Variants in SLFN12L observed in about 807,000 individuals in gnomAD.
SLFN12L encodes the protein schlafen family member 12-like.
A neutral mutation model predicts 34.8 loss-of-function variants in SLFN12L; 34 were observed. The ratio of observed to expected loss-of-function variants is 0.98; its 90% confidence interval spans 0.74 to 1.30. The LOEUF is 1.30. Ranked by LOEUF, SLFN12L falls within the 50% of genes most tolerant of loss-of-function variation. The pLI is 0.00. For missense variants in SLFN12L, 703 were observed against 696.2 expected (o/e 1.01, Z -0.11); for synonymous variants, 259 against 247.5 (o/e 1.05, Z -0.44).
intron 2 of SLFN12L, chr17:35,498,133 T>C: frequency 1.6e-6 from 1 of 611,942 alleles, no homozygotes; most frequent in South Asian, 1.9e-5. Context: ...GAGCGAGACC[T>C]GCAGCAGAGA....
At chr17:35,476,546 A>G (rs918660529) in intron 4 of SLFN12L, among the ~76,000 whole-genome samples, 15 of 151,874 alleles carry the variant, frequency 9.9e-5, no homozygotes, top group African/African-American at 3.1e-4. Flanking sequence ...GAAAATATCA[A>G]CTGATCAACT....
Position 35,465,033 on chromosome 17 carries a change from C to T in SLFN12L, c.*9890G>A, listed in dbSNP as rs1239721316. ...CTGGGACTACGGGAGCACACCACCACATCCAGCTAATTTTTGTATTTTTTA... is the reference window on the plus strand; with the variant it reads ...CTGGGACTACGGGAGCACACCACCATATCCAGCTAATTTTTGTATTTTTTA... On this transcript the variant is annotated 3_prime_UTR_variant, in exon 5 of 5. Transcript: ENST00000628453. 1.3e-5 allele frequency among the ~76,000 whole-genome samples: 2 copies of T among 152,182 alleles called. No individual in the cohort carries two copies. Among genetic ancestry groups the T allele is most frequent in the African/African-American group, 4.8e-5 (2 of 41,438 alleles).
intron 2 of SLFN12L, among the ~76,000 whole-genome samples, chr17:35,502,598 G>GA (rs35043538): frequency 5.7e-4 from 79 of 139,320 alleles, no homozygotes; most frequent in Middle Eastern, 3.6e-3. Flanking sequence ...GCAATTGAAG[G>GA]AAAAAAAAAA....
rs923872497 is a variant in SLFN12L at position 35,464,627 on chromosome 17, C to T, written c.*10296G>A. 6.6e-6 allele frequency: 1 copy of T among 151,988 alleles called. No individual in the cohort carries two copies. Among genetic ancestry groups the T allele is most frequent in the African/African-American group, 2.4e-5 (1 of 41,336 alleles). 9.4% of individuals were successfully genotyped at this position (151,988 alleles called of 1,614,324 possible). A position where few individuals can be genotyped will look rare whatever the true frequency, so the allele number is the denominator to read the frequency against. ...TTCTTTTTTATGGCTGTGTAGTAGCCCATGGTGTATATGTACCACATTTTC... is the reference window on the plus strand; with the variant it reads ...TTCTTTTTTATGGCTGTGTAGTAGCTCATGGTGTATATGTACCACATTTTC... On this transcript the variant is annotated 3_prime_UTR_variant, in exon 5 of 5. Transcript: ENST00000628453.
At chr17:35,498,642 A>G in intron 2 of SLFN12L, 7 of 1,609,808 alleles carry the variant, frequency 4.3e-6, no homozygotes, top group Non-Finnish European at 4.2e-6. Flanking sequence ...GCTACAGACC[A>G]CTCAAACCAT....
chr17:35,487,267 CA>C (rs892861968), intron 2 of SLFN12L, among the ~76,000 whole-genome samples: 8 of 152,288 alleles, frequency 5.3e-5, no homozygotes, highest in Non-Finnish European at 7.3e-5. Context: ...AGGCGCTCCC[CA>C]GCCCACGCAC....
rs1348792328 is a variant in SLFN12L at position 35,530,538 on chromosome 17, A to AAAAG, written c.-606+7031_-606+7034dup. Among the ~76,000 whole-genome samples, 7 of 23,264 alleles carry AAAAG rather than the reference A, an allele frequency of 3.0e-4. 1 individual carries two copies. Among genetic ancestry groups the AAAAG allele is most frequent in the East Asian group, 1.5e-3 (1 of 658 alleles). The allele number at this position is 23,264 out of a possible 152,430, so 15.3% of individuals were successfully genotyped here. ...AAAAGAAAAGAAAAGAAAAGAAAAG[A>AAAAG]AAAGAAAGAAAGAAAGAAAGAGAAA... On this transcript the variant is annotated intron_variant, in intron 1 of 4. Coordinates refer to ENST00000628453, the MANE Select transcript of SLFN12L (RefSeq NM_001363830.2).
rs1056470971 is a variant in SLFN12L, at chr17:35,495,002, C to T, written c.87-14807G>A. On this transcript the variant is annotated intron_variant, in intron 2 of 4. Coordinates refer to ENST00000628453, the MANE Select transcript of SLFN12L (RefSeq NM_001363830.2). ...CTCAAGGCAACCTCCACCACCCAGGCTCAGATGATCCTGAGCCACTGGAGT... is the reference window on the plus strand; with the variant it reads ...CTCAAGGCAACCTCCACCACCCAGGTTCAGATGATCCTGAGCCACTGGAGT... Among the ~76,000 whole-genome samples, 12 of 152,064 alleles carry T rather than the reference C, an allele frequency of 7.9e-5. No homozygotes were observed. In the East Asian group the frequency reaches 1.2e-3, roughly 15 times the overall value.
In SLFN12L at chr17:35,475,227, T is replaced by C. The variant is rs889359313; in HGVS notation, c.1535A>G (p.Tyr512Cys). Residue 512 changes from tyrosine to cysteine, a missense_variant, in exon 5 of 5, where the codon TAT (tyrosine) becomes TGT (cysteine). Physicochemically the swap from Tyr to Cys is radical, Grantham distance 194 (BLOSUM62 -2). Coordinates refer to ENST00000628453, the MANE Select transcript of SLFN12L (RefSeq NM_001363830.2). ...TAAAGTTTGGGCAGTTTGTGTAGAATAGTCTTTAAACTCCTCATCCTGTAC... is the reference window on the plus strand; with the variant it reads ...TAAAGTTTGGGCAGTTTGTGTAGAACAGTCTTTAAACTCCTCATCCTGTAC... ...HMVQDEEFKD[Y>C]STQTAQTLKQ... 2.5e-6 allele frequency: 4 copies of C among 1,614,202 alleles called. No individual in the cohort carries two copies. The highest frequency in any genetic ancestry group is 3.4e-6 in the Non-Finnish European group (4 of 1,180,042).
Position 35,528,970 on chromosome 17 carries a change from C to G in SLFN12L, c.-605-6001G>C, listed in dbSNP as rs190341368. On this transcript the variant is annotated intron_variant, in intron 1 of 4. Transcript: ENST00000628453. ...GTGACAAAGGGCTAATATCCAGAAT[C>G]TACAAGGAACTTAAACAAATTCACA... Among the ~76,000 whole-genome samples, 65 of 152,236 alleles carry G rather than the reference C, an allele frequency of 4.3e-4. No homozygotes were observed. In the Middle Eastern group the frequency reaches 0.017, roughly 40 times the overall value.
intron 1 of SLFN12L, among the ~76,000 whole-genome samples, chr17:35,528,164 A>G (rs2072356432): frequency 6.6e-6 from 1 of 152,228 alleles, no homozygotes; most frequent in Non-Finnish European, 1.5e-5. Flanking sequence ...GACCTCTTCA[A>G]GGAGAACTAC....
intron 2 of SLFN12L, among the ~76,000 whole-genome samples, chr17:35,512,209 C>G (rs1284823188): frequency 9.1e-5 from 11 of 120,734 alleles, no homozygotes; most frequent in African/African-American, 3.6e-4. Flanking sequence ...GGCTGGAGTG[C>G]AGTGGCGTGG....
In SLFN12L at chr17:35,474,802, G is replaced by A. The variant is rs935943141; in HGVS notation, c.*121C>T. 3.1e-6 allele frequency: 3 copies of A among 980,994 alleles called. No individual in the cohort carries two copies. Among genetic ancestry groups the A allele is most frequent in the African/African-American group, 3.3e-5 (2 of 60,102 alleles). The allele number at this position is 980,994 out of a possible 1,614,324, so 60.8% of individuals were successfully genotyped here. A position where few individuals can be genotyped will look rare whatever the true frequency, so the allele number is the denominator to read the frequency against. Reference sequence around the variant, plus strand: ...AAAAAATTAGCCAGGTGTGGTGGCAGGCACATGTAATCCCAGCTACTCGGG... The same window carrying A: ...AAAAAATTAGCCAGGTGTGGTGGCAAGCACATGTAATCCCAGCTACTCGGG... On this transcript the variant is annotated 3_prime_UTR_variant, in exon 5 of 5. Coordinates refer to ENST00000628453, the MANE Select transcript of SLFN12L (RefSeq NM_001363830.2).
intron 2 of SLFN12L, among the ~76,000 whole-genome samples, chr17:35,488,976 A>T (rs1436022858): frequency 6.6e-6 from 1 of 152,068 alleles, no homozygotes; most frequent in Admixed American, 6.5e-5. Context: ...AGGCTGAGGC[A>T]ATAGAGTCTC....
intron 2 of SLFN12L, among the ~76,000 whole-genome samples, chr17:35,488,210 A>G (rs921615920): frequency 1.3e-5 from 2 of 152,092 alleles, no homozygotes; most frequent in African/African-American, 4.8e-5. Flanking sequence ...CTCCGTCTCA[A>G]AAAAAAATTG....
In SLFN12L at chr17:35,479,815, G is replaced by GTT; in HGVS notation, c.465_466dup (p.Thr156LysfsTer10). The GTT allele has an allele frequency of 6.2e-7, 1 of 1,609,798 alleles. No homozygotes were observed. Among genetic ancestry groups the GTT allele is most frequent in the South Asian group, 1.1e-5 (1 of 90,606 alleles). On this transcript the variant is annotated frameshift_variant, in exon 3 of 5. Transcript: ENST00000628453. LOFTEE classifies it high-confidence loss of function. ...CAACGTGGCAATCTGCGGACCAGAG[G>GTT]TTTCCAAGCTCCATGATTTCACAAA...
intron 2 of SLFN12L, among the ~76,000 whole-genome samples, chr17:35,494,434 TA>T (rs1043748206): frequency 6.6e-6 from 1 of 152,194 alleles, no homozygotes; most frequent in African/African-American, 2.4e-5. Context: ...TAAAAACTTT[TA>T]AAAAATCACA....
chr17:35,493,419 A>T (rs554870526), intron 2 of SLFN12L, among the ~76,000 whole-genome samples: 2 of 152,264 alleles, frequency 1.3e-5, no homozygotes, highest in Non-Finnish European at 2.9e-5. Context: ...CACAAAGCTG[A>T]TTTTCTCCAA....
Position 35,475,154 on chromosome 17 carries a change from G to C in SLFN12L, c.1608C>G (p.Val536=). 1 of 1,614,180 alleles carries C rather than the reference G, an allele frequency of 6.2e-7. No homozygotes were observed. Among genetic ancestry groups the C allele is most frequent in the Non-Finnish European group, 8.5e-7 (1 of 1,180,036 alleles). Residue 536 remains valine (V), a synonymous_variant, in exon 5 of 5, where the codon GTC becomes GTG. Coordinates refer to ENST00000628453, the MANE Select transcript of SLFN12L (RefSeq NM_001363830.2). ...GGCTCAAGTAGAAGATCTTTGTCAT[G>C]ACACACACTTTTTTAGTGTAACCAC... ...KIGGYTKKVC[V]MTKIFYLSPE...
Sources: gnomAD v4.1 joint callset for allele counts (sites outside exome capture counted in the v4.1 genomes callset) on GRCh38, gnomAD v4.1.1 for gene constraint, MANE v1.5 for transcripts, NCBI Gene and HGNC (gene_info 2026-07-23, HGNC 2026-07-21) for gene names.